The following TECRL variants were observed in gnomAD, a reference collection of about 807,000 sequenced individuals.
TECRL encodes trans-2,3-enoyl-CoA reductase like, also known as trans-2,3-enoyl-CoA reductase-like.
In TECRL, 63 loss-of-function variants were observed where a neutral mutation model predicts 52.8. The ratio of observed to expected loss-of-function variants is 1.19; its 90% CI spans 0.97 to 1.47. The LOEUF (loss-of-function observed/expected upper bound fraction) is 1.47, where lower values mean the gene tolerates loss of function less well. Ranked by LOEUF, TECRL falls within the 40% of genes most tolerant of loss-of-function variation. The probability of loss-of-function intolerance (pLI) is 0.00; values close to 1 mark genes in which losing one functional copy is unlikely to be tolerated. For synonymous variants in TECRL, 164 were observed against 141.9 expected, an observed-to-expected ratio of 1.16 and a Z score of -1.10; for missense variants, 482 against 429.6, an observed-to-expected ratio of 1.12 and a Z score of -1.08.
chr4:64,334,764 G>A (rs974455873), intron 2 of TECRL, among the ~76,000 whole-genome samples: 1 of 152,168 alleles, frequency 6.6e-6, no homozygotes, highest in African/African-American at 2.4e-5. Context: ...GATGCATAAA[G>A]CAACAAGCTG....
In TECRL at chr4:64,289,142, T is replaced by C. The variant is rs1723239196; in HGVS notation, c.832+568A>G. ...TGATTATAATGGTTCCTATTTTGAT[T>C]AATAAAGATGTGTATGAGACTAGCT... is the stretch of plus-strand genomic sequence containing the variant. On this transcript the variant is annotated intron_variant, in intron 9 of 11. Coordinates refer to ENST00000381210, the MANE Select transcript of TECRL (RefSeq NM_001010874.5). Among the ~76,000 whole-genome samples, 5 of 152,282 alleles carry C rather than the reference T, an allele frequency of 3.3e-5. No individual in the cohort carries two copies. The South Asian group carries it at 1.0e-3, about 32-fold the overall frequency.
intron 1 of TECRL, among the ~76,000 whole-genome samples, chr4:64,391,579 A>T (rs954170608): frequency 1.3e-5 from 2 of 151,818 alleles, no homozygotes; most frequent in African/African-American, 4.8e-5. Flanking sequence ...AAGAAATCTC[A>T]TCATTCTTTT....
At chr4:64,352,632 T>C (rs1720476233) in intron 2 of TECRL, among the ~76,000 whole-genome samples, 1 of 152,228 alleles carries the variant, frequency 6.6e-6, no homozygotes, top group African/African-American at 2.4e-5. Flanking sequence ...ATGTCTTTAT[T>C]TTTTAACTAT....
intron 6 of TECRL, among the ~76,000 whole-genome samples, chr4:64,308,095 G>A (rs1724444984): frequency 6.6e-6 from 1 of 152,120 alleles, no homozygotes; most frequent in Admixed American, 6.5e-5. Context: ...TGGCAGTTAG[G>A]GTTAACACTC....
chr4:64,405,300 T>C (rs1264971438), intron 1 of TECRL, among the ~76,000 whole-genome samples: 1 of 152,088 alleles, frequency 6.6e-6, no homozygotes, highest in African/African-American at 2.4e-5. Flanking sequence ...GTAGAGGATA[T>C]ATTGAAAGTG....
intron 2 of TECRL, among the ~76,000 whole-genome samples, chr4:64,344,156 C>CATAT (rs147038542): frequency 2.7e-5 from 4 of 150,808 alleles, no homozygotes; most frequent in South Asian, 2.1e-4. Flanking sequence ...GGAAAAAACT[C>CATAT]ATATATATAT....
intron 2 of TECRL, among the ~76,000 whole-genome samples, chr4:64,346,610 A>G (rs2109554016): frequency 6.6e-6 from 1 of 152,366 alleles, no homozygotes; most frequent in Admixed American, 6.5e-5. Context: ...ACACAAGGCA[A>G]CAAGTCCTGA....
Position 64,314,706 on chromosome 4 carries a change from T to A in TECRL, c.493A>T (p.Ile165Phe). ...LLIYLLFYLR[I>F]PCIYDGKESA... The stretch of plus-strand genomic sequence containing the variant: ...TCTTTTCCATCATATATACATGGGA[T>A]CCTCAAATAAAAGAGGAGGTATATT... The change falls in exon 5 of 12, where the codon ATC becomes TTC. Residue 165 changes from isoleucine (I) to phenylalanine (F), a missense_variant. Physicochemically the swap from Ile to Phe is conservative, Grantham distance 21. Coordinates refer to ENST00000381210, the MANE Select transcript of TECRL (RefSeq NM_001010874.5). The A allele has an allele frequency of 6.2e-7, 1 of 1,613,256 alleles. No homozygotes were observed. The highest frequency in any genetic ancestry group is 8.5e-7 in the Non-Finnish European group (1 of 1,179,688).
At chr4:64,403,237 G>T (rs1724480846) in intron 1 of TECRL, among the ~76,000 whole-genome samples, 2 of 151,626 alleles carry the variant, frequency 1.3e-5, no homozygotes. Context: ...CAGCTACAAA[G>T]ATCACCTATA....
chr4:64,356,617 T>C (rs1369281988), intron 2 of TECRL, among the ~76,000 whole-genome samples: 1 of 152,184 alleles, frequency 6.6e-6, no homozygotes, highest in East Asian at 1.9e-4. Context: ...TCACATGCTT[T>C]CTCGCTGACC....
At position 64,368,536 on chromosome 4, in the gene TECRL, C is replaced by T. The variant is rs187331725; in HGVS notation, c.286+6636G>A. Among the ~76,000 whole-genome samples the T allele has an allele frequency of 2.5e-3, 379 of 152,200 alleles. 1 individual carries two copies. The highest frequency in any genetic ancestry group is 8.9e-3 in the African/African-American group (369 of 41,538). The stretch of plus-strand genomic sequence containing the variant: ...GTCTCAAACTCCTGACCTCATGATC[C>T]GCCCGCCTTGGCCTCCGAAAGTGCT... On this transcript the variant is annotated intron_variant, in intron 2 of 11. Coordinates refer to ENST00000381210, the MANE Select transcript of TECRL (RefSeq NM_001010874.5).
intron 4 of TECRL, among the ~76,000 whole-genome samples, chr4:64,317,844 G>GA (rs1017152041): frequency 6.6e-6 from 1 of 152,100 alleles, no homozygotes; most frequent in Admixed American, 6.6e-5. Context: ...TGAAATGGGG[G>GA]ATCCAGAGAA....
At position 64,307,586 on chromosome 4, in the gene TECRL, G is replaced by T. The variant is rs147263446; in HGVS notation, c.657+2240C>A. ...TTTTCTCCCCTCTCTTTCCATATGT[G>T]TAACAATCCATCTTCAGCCTGCACT... On this transcript the variant is annotated intron_variant, in intron 6 of 11. Transcript: ENST00000381210. Among the ~76,000 whole-genome samples the T allele has an allele frequency of 4.6e-3, 693 of 152,178 alleles. 4 individuals carry two copies. Among genetic ancestry groups the T allele is most frequent in the Middle Eastern group, 0.031 (9 of 294 alleles).
intron 2 of TECRL, among the ~76,000 whole-genome samples, chr4:64,332,297 A>AAATC (rs1176397090): frequency 6.6e-6 from 1 of 152,180 alleles, no homozygotes; most frequent in Non-Finnish European, 1.5e-5. Context: ...GATGAATCAG[A>AAATC]AATCAATCAA....
At chr4:64,328,671 C>T (rs1683464977) in intron 2 of TECRL, 115 bp from the exon 3 acceptor site, 2 of 822,770 alleles carry the variant, frequency 2.4e-6, no homozygotes, top group African/African-American at 1.7e-5. Context: ...AATGGGTTAT[C>T]TAGTGTCAGA....
chr4:64,402,845 G>C (rs1724448603), intron 1 of TECRL, among the ~76,000 whole-genome samples: 1 of 152,106 alleles, frequency 6.6e-6, no homozygotes, highest in Admixed American at 6.6e-5. Flanking sequence ...GTGAACTCAC[G>C]TGTCTTATCT....
intron 2 of TECRL, among the ~76,000 whole-genome samples, chr4:64,338,850 T>A (rs899809228): frequency 6.6e-6 from 1 of 152,148 alleles, no homozygotes; most frequent in South Asian, 2.1e-4. Flanking sequence ...GTAAACTAGT[T>A]CAACCATTGT....
chr4:64,388,220 C>CTTTTT lies in TECRL; in HGVS notation c.235-13002_235-12998dup, dbSNP rs3045235. The stretch of plus-strand genomic sequence containing the variant: ...GAAATGTGTAAGATGAGTCTAAATC[C>CTTTTT]TTTTTTTTTTTTTTGCATGTGGATG... On this transcript the variant is annotated intron_variant, in intron 1 of 11. Transcript: ENST00000381210. 4.7e-3 allele frequency among the ~76,000 whole-genome samples: 601 copies of CTTTTT among 127,016 alleles called. 17 individuals carry two copies. The highest frequency in any genetic ancestry group is 0.01 in the Middle Eastern group (2 of 196). 83.3% of individuals were successfully genotyped at this position (127,016 alleles called of 152,430 possible). A position where few individuals can be genotyped will look rare whatever the true frequency, so the allele number is the denominator to read the frequency against.
intron 2 of TECRL, among the ~76,000 whole-genome samples, chr4:64,343,583 C>A (rs1324858739): frequency 6.6e-6 from 1 of 150,980 alleles, no homozygotes; most frequent in Non-Finnish European, 1.5e-5. Context: ...CACACACACA[C>A]AGACACACAC....
Sources: gnomAD v4.1 joint callset for allele counts (sites outside exome capture counted in the v4.1 genomes callset) on GRCh38, gnomAD v4.1.1 for gene constraint, MANE v1.5 for transcripts, NCBI Gene and HGNC (gene_info 2026-07-23, HGNC 2026-07-21) for gene names.